TOP2B: variants seen among roughly 807,000 people sequenced by gnomAD.
TOP2B encodes the protein DNA topoisomerase 2-beta.
In TOP2B, 51 loss-of-function variants were observed where a neutral mutation model predicts 193.5. The observed-to-expected ratio is 0.26, with a 90% confidence interval of 0.21 to 0.33. The LOEUF (loss-of-function observed/expected upper bound fraction) is 0.33, where lower values mean the gene tolerates loss of function less well. Among genes scored for constraint, TOP2B ranks in the 10% least tolerant of loss-of-function variants. The pLI is 1.00. For synonymous variants in TOP2B, 634 were observed against 635.7 expected (o/e 1.00, Z 0.04); for missense variants, 1,378 against 1,909.3 (o/e 0.72, Z 5.19).
intron 4 of TOP2B, among the ~76,000 whole-genome samples, 174 bp from the exon 5 acceptor site, chr3:25,638,484 C>A (rs1054166471): frequency 2.6e-5 from 4 of 151,722 alleles, no homozygotes; most frequent in Non-Finnish European, 1.5e-5. Context: ...AGAAAATACT[C>A]GCTGAGGACA....
intron 4 of TOP2B, among the ~76,000 whole-genome samples, chr3:25,641,349 T>C (rs1483037047): frequency 2.6e-5 from 4 of 152,146 alleles, no homozygotes; most frequent in African/African-American, 9.7e-5. Context: ...TAAAACATAA[T>C]AAATGAAGGG....
intron 35 of TOP2B, among the ~76,000 whole-genome samples, chr3:25,599,111 C>T (rs1286607629): frequency 6.6e-6 from 1 of 151,594 alleles, no homozygotes; most frequent in Non-Finnish European, 1.5e-5. Flanking sequence ...CAAATAAATC[C>T]AAGTTAAAAG....
chr3:25,659,416 C>G (rs1703844277), intron 1 of TOP2B, among the ~76,000 whole-genome samples: 1 of 152,172 alleles, frequency 6.6e-6, no homozygotes, highest in Admixed American at 6.5e-5. Flanking sequence ...ATACTTATCA[C>G]TGGATTAAAA....
chr3:25,654,037 G>A (rs748264636), intron 1 of TOP2B, among the ~76,000 whole-genome samples: 2 of 152,112 alleles, frequency 1.3e-5, no homozygotes, highest in Admixed American at 6.5e-5. Context: ...TTTCCTCTAA[G>A]ATCAGGAGGA....
intron 21 of TOP2B, among the ~76,000 whole-genome samples, chr3:25,622,744 G>A (rs538172235): frequency 6.6e-6 from 1 of 151,616 alleles, no homozygotes; most frequent in Admixed American, 6.6e-5. Flanking sequence ...GGGTTCAAGC[G>A]ATTCTCCTGC....
intron 26 of TOP2B, 71 bp from the exon 27 acceptor site, chr3:25,615,359 T>C (rs1188802022): frequency 3.2e-6 from 5 of 1,549,602 alleles, no homozygotes; most frequent in Non-Finnish European, 4.3e-6. Flanking sequence ...AAAATACTTA[T>C]TTTTGGAAAA....
chr3:25,598,578 C>CAAAT (rs1468415764), intron 35 of TOP2B, 101 bp from the exon 36 acceptor site: 2 of 846,496 alleles, frequency 2.4e-6, no homozygotes, highest in Non-Finnish European at 3.3e-6. Context: ...GGAAGTATTA[C>CAAAT]AAATAATGGT....
chr3:25,656,413 G>A (rs1703748211), intron 1 of TOP2B, among the ~76,000 whole-genome samples: 1 of 151,754 alleles, frequency 6.6e-6, no homozygotes, highest in African/African-American at 2.4e-5. Flanking sequence ...GACCAGCCTG[G>A]GTGATAGCAA....
At chr3:25,664,182 C>T (rs1188663595) in intron 1 of TOP2B, 47 bp downstream of exon 1, 2 of 1,537,078 alleles carry the variant, frequency 1.3e-6, no homozygotes, top group African/African-American at 1.4e-5. Flanking sequence ...GCCCCCGCCG[C>T]GGGCCCGGAA....
At position 25,598,189 on chromosome 3, in the gene TOP2B, A is replaced by C. The variant is rs1701968904; in HGVS notation, c.*118T>G. On this transcript the variant is annotated 3_prime_UTR_variant, in exon 36 of 36. Transcript: ENST00000264331. ...TGTTAAAAGGCCTACCACAATAATA[A>C]AAAACCGTCAATTACATCATCACAT... 5.3e-6 allele frequency: 6 copies of C among 1,126,454 alleles called. No homozygotes were observed. The highest frequency in any genetic ancestry group is 7.5e-6 in the Non-Finnish European group (6 of 802,712). The allele number at this position is 1,126,454 out of a possible 1,614,324, so 69.8% of individuals were successfully genotyped here.
Position 25,626,805 on chromosome 3 carries a change from G to A in TOP2B, c.2076C>T (p.Asp692=), listed in dbSNP as rs1375552841. The A allele has an allele frequency of 3.7e-6, 6 of 1,608,038 alleles. No homozygotes were observed. Among genetic ancestry groups the A allele is most frequent in the Non-Finnish European group, 5.1e-6 (6 of 1,177,562 alleles). The change falls in exon 17 of 36, where the codon GAC becomes GAT. Residue 692 remains aspartate (D), a synonymous_variant. Transcript: ENST00000264331. The part of the protein sequence containing the change: ...RKEWLTNFME[D]RRQRRLHGLP... ...AGCCATGTAGCCTACGCTGTCTCCG[G>A]TCTTCCATAAAATTTGTTAACCATT...
At chr3:25,601,312 A>T in intron 33 of TOP2B, 87 bp from the exon 34 acceptor site, 1 of 1,444,866 alleles carries the variant, frequency 6.9e-7, no homozygotes, top group East Asian at 2.5e-5. Flanking sequence ...AATTTCTTAT[A>T]GCTGATTAGA....
Position 25,664,600 on chromosome 3 carries a change from C to A in TOP2B, c.-303G>T. ...CGAGCGGCGGCGTTGCCTTCTCGCCCGCCCGCGGGCGCCGCTGCAGGCCGG... is the reference window on the plus strand; with the variant it reads ...CGAGCGGCGGCGTTGCCTTCTCGCCAGCCCGCGGGCGCCGCTGCAGGCCGG... On this transcript the variant is annotated 5_prime_UTR_variant, in exon 1 of 36. Coordinates refer to ENST00000264331, the MANE Select transcript of TOP2B (RefSeq NM_001330700.2). The A allele has an allele frequency of 1.0e-6, 1 of 1,002,374 alleles. No homozygotes were observed. The highest frequency in any genetic ancestry group is 1.2e-6 in the Non-Finnish European group (1 of 841,848). 62.1% of individuals were successfully genotyped at this position (1,002,374 alleles called of 1,614,324 possible).
At chr3:25,642,838 T>A (rs1371242845) in intron 3 of TOP2B, among the ~76,000 whole-genome samples, 1 of 152,160 alleles carries the variant, frequency 6.6e-6, no homozygotes, top group Non-Finnish European at 1.5e-5. Context: ...AGAAAAAGTC[T>A]TTAACACCCT....
chr3:25,625,876 T>C (rs1702787432), intron 18 of TOP2B, among the ~76,000 whole-genome samples: 1 of 152,106 alleles, frequency 6.6e-6, no homozygotes, highest in Non-Finnish European at 1.5e-5. Flanking sequence ...AAAGGTAAAA[T>C]AAGAGGTACA....
chr3:25,630,384 A>T lies in TOP2B; in HGVS notation c.1491T>A (p.Ile497=). 3 of 1,551,684 alleles carry T rather than the reference A, an allele frequency of 1.9e-6. No individual in the cohort carries two copies. Among genetic ancestry groups the T allele is most frequent in the Non-Finnish European group, 2.6e-6 (3 of 1,146,860 alleles). The change falls in exon 12 of 36, where the codon ATT becomes ATA. Residue 497 remains isoleucine (I), a synonymous_variant. Transcript: ENST00000264331. The stretch of plus-strand genomic sequence containing the variant: ...GAAAAACTCCGTATCTGTCTCGTCC[A>T]ATCACACCTAATCCAGACACAGCCA... The part of the protein sequence containing the change: ...KSLAVSGLGV[I]GRDRYGVFPL...
In TOP2B at chr3:25,599,443, T is replaced by C. The variant is rs17016865; in HGVS notation, c.4702A>G (p.Thr1568Ala). 4.2e-3 allele frequency: 6,716 copies of C among 1,613,202 alleles called. 187 individuals carry two copies. In the African/African-American group the frequency reaches 0.066, roughly 16 times the overall value. The stretch of plus-strand genomic sequence containing the variant: ...ATGATGTTCCCGGTTACCTTGCTTG[T>C]TGTTTTGGATGTTTTCCTGCCAGGG... ...YNPGRKTSKT[T>A]SKKPKKTSFD... Residue 1568 changes from threonine to alanine, a missense_variant, in exon 35 of 36, where the codon ACA (threonine) becomes GCA (alanine). Thr to Ala is a moderately conservative substitution (Grantham distance 58). Coordinates refer to ENST00000264331, the MANE Select transcript of TOP2B (RefSeq NM_001330700.2).
At chr3:25,605,436 T>G (rs1386835751) in intron 32 of TOP2B, among the ~76,000 whole-genome samples, 2 of 152,124 alleles carry the variant, frequency 1.3e-5, no homozygotes, top group Admixed American at 6.5e-5. Context: ...TAAATAAATA[T>G]GTTTACACAA....
At chr3:25,643,217 C>T (rs1463090073) in intron 3 of TOP2B, among the ~76,000 whole-genome samples, 1 of 152,162 alleles carries the variant, frequency 6.6e-6, no homozygotes, top group Non-Finnish European at 1.5e-5. Context: ...TAGGCATTCA[C>T]ATAATTTAAT....
Sources: allele counts gnomAD v4.1 joint callset (sites outside exome capture counted in the v4.1 genomes callset), GRCh38; gene constraint gnomAD v4.1.1; transcripts MANE v1.5; gene names NCBI Gene and HGNC (gene_info 2026-07-23, HGNC 2026-07-21).